Variants in GABRA3 observed in about 807,000 individuals in gnomAD.
GABRA3 encodes the protein gamma-aminobutyric acid type A receptor subunit alpha3.
A neutral mutation model predicts 30.1 loss-of-function variants in GABRA3; 10 were observed. That is an observed-to-expected ratio of 0.33 (90% CI 0.20 to 0.56). The LOEUF (loss-of-function observed/expected upper bound fraction) is 0.56, where lower values mean the gene tolerates loss of function less well. Among genes scored for constraint, GABRA3 ranks in the 20% least tolerant of loss-of-function variants. The pLI is 0.89. For synonymous variants in GABRA3, 151 were observed against 146.8 expected (o/e 1.03, Z -0.21); for missense variants, 233 against 392.0 (o/e 0.59, Z 3.42).
chrX:152,410,223 G>A (rs1930035715), intron 1 of GABRA3, among the ~76,000 whole-genome samples: 1 of 111,685 alleles, frequency 9.0e-6, no homozygotes, highest in African/African-American at 3.3e-5. Flanking sequence ...ACGCAGGGAA[G>A]GGTTGTGGGG....
chrX:152,182,279 T>C (rs1236837698), intron 9 of GABRA3, among the ~76,000 whole-genome samples: 1 of 101,534 alleles, frequency 9.8e-6, no homozygotes, highest in Non-Finnish European at 2.0e-5. Context: ...ATTTAACCCT[T>C]ACAGCCATTG....
intron 5 of GABRA3, among the ~76,000 whole-genome samples, chrX:152,244,336 C>T (rs1242143924): frequency 8.9e-6 from 1 of 111,968 alleles, no homozygotes; most frequent in Non-Finnish European, 1.9e-5. Flanking sequence ...AATATAACCA[C>T]TAATGTGATA....
intron 3 of GABRA3, among the ~76,000 whole-genome samples, chrX:152,329,200 C>T (rs963685496): frequency 3.6e-5 from 4 of 111,696 alleles, no homozygotes; most frequent in Non-Finnish European, 7.5e-5. Context: ...TAAAAGAGGA[C>T]ACAAACAAAT....
chrX:152,295,648 C>A (rs1181813826), intron 3 of GABRA3, among the ~76,000 whole-genome samples: 1 of 112,788 alleles, frequency 8.9e-6, no homozygotes, highest in African/African-American at 3.2e-5. Context: ...ACCCCTTGCA[C>A]ATCCTCGGTG....
chrX:152,211,878 G>A (rs144634733), intron 6 of GABRA3, among the ~76,000 whole-genome samples: 61 of 111,426 alleles, frequency 5.5e-4, no homozygotes, highest in African/African-American at 1.9e-3. Flanking sequence ...GACATTCCTA[G>A]CAAAAGAACA....
intron 1 of GABRA3, among the ~76,000 whole-genome samples, chrX:152,365,378 C>G (rs1928629508): frequency 9.0e-6 from 1 of 111,593 alleles, no homozygotes; most frequent in Non-Finnish European, 1.9e-5. Flanking sequence ...ACTGAAATCT[C>G]TAAGAGGTCA....
chrX:152,318,213 A>G (rs1031420239), intron 3 of GABRA3, among the ~76,000 whole-genome samples: 8 of 111,675 alleles, frequency 7.2e-5, no homozygotes, highest in Admixed American at 1.9e-4. Context: ...TAGAAAACCT[A>G]GAAGAGATGG....
chrX:152,278,355 T>C (rs958644474), intron 4 of GABRA3, among the ~76,000 whole-genome samples: 11 of 106,943 alleles, frequency 1.0e-4, no homozygotes, highest in Admixed American at 3.1e-4. Flanking sequence ...TGAGAACATG[T>C]GGTGTTTGGT....
chrX:152,316,078 TAAAC>T (rs1229097940), intron 3 of GABRA3, among the ~76,000 whole-genome samples: 2 of 102,469 alleles, frequency 2.0e-5, no homozygotes, highest in African/African-American at 7.2e-5. Context: ...ATTAGTGTGT[TAAAC>T]AACTACAACT....
At chrX:152,361,571 CA>C (rs35341591) in intron 2 of GABRA3, among the ~76,000 whole-genome samples, 2,946 of 34,901 alleles carry the variant, frequency 0.084, 46 homozygotes, top group East Asian at 0.18. Context: ...GACTCCATCT[CA>C]AAAAAAAAAA....
At chrX:152,236,266 T>C (rs1938211017) in intron 5 of GABRA3, among the ~76,000 whole-genome samples, 2 of 105,459 alleles carry the variant, frequency 1.9e-5, no homozygotes, top group Admixed American at 1.0e-4. Context: ...GTTCTTGCGA[T>C]AGTTTACTGA....
At chrX:152,320,104 C>T (rs755616547) in intron 3 of GABRA3, among the ~76,000 whole-genome samples, 158 of 111,327 alleles carry the variant, frequency 1.4e-3, no homozygotes, top group African/African-American at 5.0e-3. Context: ...GAAAAGGGCA[C>T]ACTTCTACAC....
At chrX:152,176,289 A>G (rs895489551) in intron 9 of GABRA3, among the ~76,000 whole-genome samples, 3 of 110,602 alleles carry the variant, frequency 2.7e-5, no homozygotes, top group Non-Finnish European at 5.7e-5. Flanking sequence ...TTTGGAGCAG[A>G]ATTTTTATAA....
intron 2 of GABRA3, among the ~76,000 whole-genome samples, chrX:152,350,806 T>C (rs1940468404): frequency 8.9e-6 from 1 of 111,972 alleles, no homozygotes; most frequent in Non-Finnish European, 1.9e-5. Context: ...CCTTATGAAA[T>C]GTATCTCTTA....
intron 9 of GABRA3, among the ~76,000 whole-genome samples, chrX:152,179,495 ATTTT>A (rs199606296): frequency 1.0e-5 from 1 of 97,230 alleles, no homozygotes; most frequent in African/African-American, 3.8e-5. Context: ...TGTGAGTTCA[ATTTT>A]TTTTTTTTTT....
chrX:152,279,150 A>G (rs1179814444), intron 4 of GABRA3, among the ~76,000 whole-genome samples: 2 of 111,710 alleles, frequency 1.8e-5, no homozygotes, highest in Non-Finnish European at 3.8e-5. Context: ...TTTTGTTGCC[A>G]TTGCTTTTGG....
intron 9 of GABRA3, among the ~76,000 whole-genome samples, chrX:152,175,377 T>C (rs1007627992): frequency 1.8e-5 from 2 of 110,172 alleles, no homozygotes; most frequent in South Asian, 3.9e-4. Flanking sequence ...AAGGAAAACA[T>C]AGGAAATCAT....
At chrX:152,305,334 G>T (rs1426520523) in intron 3 of GABRA3, among the ~76,000 whole-genome samples, 4 of 109,706 alleles carry the variant, frequency 3.6e-5, no homozygotes, top group Non-Finnish European at 7.6e-5. Context: ...CTATTTAAGT[G>T]ATGGGTTCAA....
chrX:152,383,318 G>A lies in GABRA3; in HGVS notation c.-26-18722C>T, dbSNP rs758070161. 4.1e-5 allele frequency among the ~76,000 whole-genome samples: 4 copies of A among 98,518 alleles called. No individual in the cohort carries two copies. The Admixed American group carries it at 4.8e-4, about 12-fold the overall frequency. 85.6% of individuals were successfully genotyped at this position (98,518 alleles called of 115,157 possible). The stretch of plus-strand genomic sequence containing the variant: ...GCAGGAGAATGATACGAACCTGGGA[G>A]GTGGAACTTGCAGTGAGCCAAGATC... On this transcript the variant is annotated intron_variant, in intron 1 of 9. Transcript: ENST00000370314.
Sources: allele counts gnomAD v4.1 joint callset (sites outside exome capture counted in the v4.1 genomes callset), GRCh38; gene constraint gnomAD v4.1.1; transcripts MANE v1.5; gene names NCBI Gene and HGNC (gene_info 2026-07-23, HGNC 2026-07-21).